The following RFFL variants were observed in gnomAD, a reference collection of about 807,000 sequenced individuals.
RFFL encodes the protein ring finger and FYVE like domain containing E3 ubiquitin protein ligase.
RFFL carries 16 observed loss-of-function variants against 40.4 expected under a neutral mutation model. The observed-to-expected ratio is 0.40, with a 90% CI of 0.27 to 0.60. The LOEUF (loss-of-function observed/expected upper bound fraction) is 0.60. Ranked by LOEUF, RFFL falls within the 20% of genes least tolerant of loss-of-function variation. The pLI is 0.47. For synonymous variants in RFFL, 154 were observed against 167.9 expected, an observed-to-expected ratio of 0.92 and a Z score of 0.64; for missense variants, 367 against 451.7, an observed-to-expected ratio of 0.81 and a Z score of 1.70.
chr17:35,058,447 A>C (rs947697433), intron 1 of RFFL, among the ~76,000 whole-genome samples: 1 of 152,114 alleles, frequency 6.6e-6, no homozygotes, highest in Non-Finnish European at 1.5e-5. Context: ...TTCATGAAAA[A>C]TCTCTAAGGT....
intron 1 of RFFL, among the ~76,000 whole-genome samples, chr17:35,057,727 T>C (rs1012067793): frequency 1.3e-5 from 2 of 150,560 alleles, no homozygotes; most frequent in African/African-American, 4.9e-5. Context: ...TTTTCTGAAA[T>C]TACATGAGCA....
intron 1 of RFFL, among the ~76,000 whole-genome samples, chr17:35,032,083 A>C (rs1484073396): frequency 6.9e-6 from 1 of 145,750 alleles, no homozygotes; most frequent in African/African-American, 2.7e-5. Flanking sequence ...CGACAGAGCG[A>C]GACTCCGTCT....
intron 1 of RFFL, among the ~76,000 whole-genome samples, chr17:35,055,812 A>G (rs1466677929): frequency 6.6e-6 from 1 of 152,072 alleles, no homozygotes; most frequent in Non-Finnish European, 1.5e-5. Flanking sequence ...AGTATCTCTG[A>G]CATTAGAAGC....
At chr17:35,088,757 T>C (rs2091443422) in intron 1 of RFFL, 1 of 152,252 alleles carries the variant, frequency 6.6e-6, no homozygotes, top group Non-Finnish European at 1.5e-5. Context: ...CAGTTTCTTC[T>C]GACGTACAAA....
intron 1 of RFFL, among the ~76,000 whole-genome samples, chr17:35,083,624 T>C (rs1269765707): frequency 2.7e-5 from 4 of 150,732 alleles, no homozygotes; most frequent in African/African-American, 4.9e-5. Context: ...CTACAAAAAA[T>C]ACAAAAATCG....
chr17:35,013,509 G>C (rs981445819), intron 6 of RFFL, among the ~76,000 whole-genome samples: 4 of 152,134 alleles, frequency 2.6e-5, no homozygotes, highest in Admixed American at 1.3e-4. Context: ...ACCATCTGGG[G>C]GTTGGCCAAC....
At chr17:35,059,941 A>T (rs957643461) in intron 1 of RFFL, among the ~76,000 whole-genome samples, 12 of 152,172 alleles carry the variant, frequency 7.9e-5, no homozygotes, top group Admixed American at 7.9e-4. Context: ...TCTAACAGAG[A>T]TTATTTCCTA....
chr17:35,073,051 A>AAAC (rs575979775), intron 1 of RFFL, among the ~76,000 whole-genome samples: 1,750 of 152,070 alleles, frequency 0.012, 43 homozygotes, highest in African/African-American at 0.039. Flanking sequence ...CTCAAAAAAA[A>AAAC]AAAACATGAA....
chr17:35,021,687 C>G lies in RFFL; in HGVS notation c.275G>C (p.Arg92Pro). 3 of 1,614,192 alleles carry G rather than the reference C, an allele frequency of 1.9e-6. No homozygotes were observed. Among genetic ancestry groups the G allele is most frequent in the Non-Finnish European group, 2.5e-6 (3 of 1,180,040 alleles). Residue 92 changes from arginine (R) to proline (P), a missense_variant, in exon 3 of 7, where the codon CGA becomes CCA. Arg to Pro is a moderately radical substitution (Grantham distance 103). Coordinates refer to ENST00000394597, the MANE Select transcript of RFFL (RefSeq NM_001017368.2). The part of the protein sequence containing the change: ...PRLCLLCQRF[R>P]ATAFQREELM... ...CTCCTCTCGCTGAAAGGCTGTAGCT[C>G]GAAACCGTTGGCAGAGAAGGCAGAG...
At chr17:35,019,328 C>G (rs2090993797) in intron 3 of RFFL, among the ~76,000 whole-genome samples, 1 of 152,126 alleles carries the variant, frequency 6.6e-6, no homozygotes, top group South Asian at 2.1e-4. Context: ...TGGTTAATGA[C>G]AGGAAGCTTA....
chr17:35,082,376 G>T (rs1597846710), intron 1 of RFFL, among the ~76,000 whole-genome samples: 1 of 152,176 alleles, frequency 6.6e-6, no homozygotes, highest in Non-Finnish European at 1.5e-5. Flanking sequence ...ACCCTCAAAG[G>T]CTCCTAGCCT....
chr17:35,078,941 C>T (rs969625124), intron 1 of RFFL, among the ~76,000 whole-genome samples: 4 of 149,464 alleles, frequency 2.7e-5, no homozygotes, highest in African/African-American at 9.9e-5. Context: ...GATGGCACCA[C>T]TGAACTCCAG....
intron 1 of RFFL, 98 bp from the exon 2 acceptor site, chr17:35,026,659 C>T: frequency 2.3e-6 from 2 of 873,296 alleles, no homozygotes; most frequent in Non-Finnish European, 3.5e-6. Context: ...ACACTCAATG[C>T]ACGCATGCCA....
intron 1 of RFFL, among the ~76,000 whole-genome samples, chr17:35,079,993 C>T (rs1441467723): frequency 6.6e-6 from 1 of 152,162 alleles, no homozygotes; most frequent in Non-Finnish European, 1.5e-5. Flanking sequence ...TTCCTTCCCA[C>T]CCCTGCTTGC....
At chr17:35,024,720 A>T (rs925460068) in intron 2 of RFFL, among the ~76,000 whole-genome samples, 2 of 152,230 alleles carry the variant, frequency 1.3e-5, no homozygotes, top group African/African-American at 4.8e-5. Context: ...GATCCATGGA[A>T]TCATTTCAAT....
intron 1 of RFFL, among the ~76,000 whole-genome samples, chr17:35,086,602 T>G (rs1280405000): frequency 2.0e-5 from 3 of 152,018 alleles, no homozygotes; most frequent in Admixed American, 6.5e-5. Context: ...ATTAAACCAG[T>G]AACCATTACC....
chr17:35,016,627 A>T, intron 4 of RFFL, 47 bp from the exon 5 acceptor site: 1 of 1,500,100 alleles, frequency 6.7e-7, no homozygotes, highest in Non-Finnish European at 9.2e-7. Context: ...TTACCTCCCC[A>T]AGCTCTTTCT....
At chr17:35,052,923 C>A (rs758819232) in intron 1 of RFFL, among the ~76,000 whole-genome samples, 2 of 152,086 alleles carry the variant, frequency 1.3e-5, no homozygotes, top group African/African-American at 2.4e-5. Context: ...GACTAGGGAG[C>A]CTTCATGGGA....
chr17:35,069,451 C>G, intron 1 of RFFL: 1 of 388,922 alleles, frequency 2.6e-6, no homozygotes, highest in South Asian at 1.9e-5. Flanking sequence ...GACTGCACAG[C>G]TTGAATGTCC....
Sources: gnomAD v4.1 joint callset for allele counts (sites outside exome capture counted in the v4.1 genomes callset) on GRCh38, gnomAD v4.1.1 for gene constraint, MANE v1.5 for transcripts, NCBI Gene and HGNC (gene_info 2026-07-23, HGNC 2026-07-21) for gene names.